AGPAT3: variants seen among roughly 807,000 people sequenced by gnomAD.
AGPAT3 encodes 1-acyl-sn-glycerol-3-phosphate acyltransferase gamma.
A neutral mutation model predicts 47.3 loss-of-function variants in AGPAT3; 5 were observed. The ratio of observed to expected loss-of-function variants is 0.11; its 90% CI spans 0.06 to 0.22. AGPAT3 has a LOEUF of 0.22. Among genes scored for constraint, AGPAT3 ranks in the 10% least tolerant of loss-of-function variants. The probability of loss-of-function intolerance (pLI) is 1.00; values close to 1 mark genes in which losing one functional copy is unlikely to be tolerated. For missense variants in AGPAT3, 315 were observed against 493.0 expected (o/e 0.64, Z 3.42); for synonymous variants, 212 against 208.3 (o/e 1.02, Z -0.15).
At chr21:43,875,651 A>G (rs2085717710) in intron 1 of AGPAT3, among the ~76,000 whole-genome samples, 1 of 152,222 alleles carries the variant, frequency 6.6e-6, no homozygotes, top group Non-Finnish European at 1.5e-5. Flanking sequence ...TCTGTTGCCC[A>G]GGCTGGAGTG....
Position 43,970,757 on chromosome 21 carries a change from G to C in AGPAT3, c.615G>C (p.Leu205=). 6.2e-7 allele frequency: 1 copy of C among 1,609,094 alleles called. No homozygotes were observed. The highest frequency in any genetic ancestry group is 1.1e-5 in the South Asian group (1 of 90,782). The change falls in exon 6 of 10, where the codon CTG becomes CTC. Residue 205 remains leucine, a synonymous_variant. Coordinates refer to ENST00000291572, the MANE Select transcript of AGPAT3 (RefSeq NM_020132.5). This position sits in a 1 kb window ranked among gnomAD's most constrained non-coding sequence, Gnocchi z 5.8. Reference sequence around the variant, plus strand: ...TTCCTGTCCTCAAGTACCACCTGCTGCCGCGGACCAAGGGCTTCACCACCG... The same window carrying C: ...TTCCTGTCCTCAAGTACCACCTGCTCCCGCGGACCAAGGGCTTCACCACCG... ...KGLPVLKYHL[L]PRTKGFTTAV... is the part of the protein sequence containing the mutation.
intron 2 of AGPAT3, among the ~76,000 whole-genome samples, chr21:43,959,222 T>G (rs990381224): frequency 3.1e-5 from 4 of 127,912 alleles, no homozygotes; most frequent in Non-Finnish European, 6.5e-5. Flanking sequence ...GCATGTGGGG[T>G]TTGTGATGTG....
chr21:43,923,668 A>G (rs1244421034), intron 2 of AGPAT3, among the ~76,000 whole-genome samples: 3 of 152,196 alleles, frequency 2.0e-5, no homozygotes, highest in Admixed American at 2.0e-4. Flanking sequence ...TCAGGGAAAT[A>G]CCAGCTGTGT....
Position 43,969,077 on chromosome 21 carries a change from G to A in AGPAT3, c.349-41G>A, listed in dbSNP as rs774607212. The A allele has an allele frequency of 2.0e-5, 32 of 1,607,898 alleles. 1 individual carries two copies. The highest frequency in any genetic ancestry group is 1.8e-4 in the South Asian group (16 of 90,436). ...CTGGCCAAGCCCCTGGCCTCTGTCC[G>A]ACGCTGAAGTGCCAGGTGCCCCTCC... On this transcript the variant is annotated intron_variant, in intron 4 of 9. Coordinates refer to ENST00000291572, the MANE Select transcript of AGPAT3 (RefSeq NM_020132.5).
intron 2 of AGPAT3, among the ~76,000 whole-genome samples, chr21:43,921,585 G>A (rs1429379305): frequency 6.6e-6 from 1 of 152,214 alleles, no homozygotes; most frequent in Non-Finnish European, 1.5e-5. Flanking sequence ...TCTGTGTTGA[G>A]TGTTGAATGT....
At chr21:43,865,672 G>A (rs1478243178) in intron 1 of AGPAT3, among the ~76,000 whole-genome samples, 8 of 150,956 alleles carry the variant, frequency 5.3e-5, no homozygotes, top group Admixed American at 2.0e-4. Flanking sequence ...AGGCCCGGGG[G>A]TTCGGGGCGC....
At chr21:43,878,526 G>A (rs1343776971) in intron 1 of AGPAT3, among the ~76,000 whole-genome samples, 1 of 152,220 alleles carries the variant, frequency 6.6e-6, no homozygotes, top group African/African-American at 2.4e-5. Context: ...AATATGATGG[G>A]CATCCTTGTA....
At chr21:43,976,620 CAT>C (rs1415062293) in intron 7 of AGPAT3, among the ~76,000 whole-genome samples, 2 of 152,228 alleles carry the variant, frequency 1.3e-5, no homozygotes, top group African/African-American at 2.4e-5. Context: ...TCTTCAGACA[CAT>C]GAGCCAAATT....
At chr21:43,895,901 G>A (rs1455754814) in intron 1 of AGPAT3, among the ~76,000 whole-genome samples, 1 of 152,194 alleles carries the variant, frequency 6.6e-6, no homozygotes, top group Non-Finnish European at 1.5e-5. Context: ...CAAGTAGCTG[G>A]GATTACAGGC....
rs985879581 is a variant in AGPAT3 at position 43,932,306 on chromosome 21, A to G, written c.-48-27328A>G. ...CCCTGGTAACCACCGTGCTCCTCCC[A>G]GTTCTGGTGAGACCTCCGTTTCCGA... On this transcript the variant is annotated intron_variant, in intron 2 of 9. Transcript: ENST00000291572. The surrounding 1 kb of genome is among the most constrained non-coding windows in gnomAD (Gnocchi z 5.2). 2.0e-5 allele frequency among the ~76,000 whole-genome samples: 3 copies of G among 151,908 alleles called. No homozygotes were observed. The East Asian group carries it at 5.8e-4, about 29-fold the overall frequency.
intron 1 of AGPAT3, among the ~76,000 whole-genome samples, chr21:43,889,214 T>C (rs192109084): frequency 6.6e-6 from 1 of 152,058 alleles, no homozygotes; most frequent in African/African-American, 2.4e-5. Flanking sequence ...GATGAAGGCA[T>C]GTTGGCGACA....
intron 1 of AGPAT3, among the ~76,000 whole-genome samples, chr21:43,881,321 T>A (rs1444028995): frequency 6.6e-6 from 1 of 152,204 alleles, no homozygotes. Flanking sequence ...AATTAACCAC[T>A]ATAAATACTT....
At chr21:43,977,660 G>A (rs1166640057) in intron 7 of AGPAT3, among the ~76,000 whole-genome samples, 5 of 152,064 alleles carry the variant, frequency 3.3e-5, no homozygotes, top group Non-Finnish European at 5.9e-5. Flanking sequence ...GGTGGATCAC[G>A]AGGTCAAGAG....
intron 7 of AGPAT3, among the ~76,000 whole-genome samples, chr21:43,974,669 GTGGTGTGTGTATATGAATCAGGGT>G (rs1419819344): frequency 6.6e-6 from 1 of 151,924 alleles, no homozygotes; most frequent in East Asian, 1.9e-4. Flanking sequence ...AAATGTGTGT[GTGGTGTGTGTATATGAATCAGGGT>G]TGGTGTGTGT....
intron 1 of AGPAT3, among the ~76,000 whole-genome samples, chr21:43,873,434 G>C (rs989291790): frequency 1.3e-5 from 2 of 152,178 alleles, no homozygotes; most frequent in African/African-American, 4.8e-5. Context: ...CTAGTACCTG[G>C]AAGGAGAACA....
At chr21:43,963,818 G>T (rs2088996501) in intron 3 of AGPAT3, among the ~76,000 whole-genome samples, 1 of 152,058 alleles carries the variant, frequency 6.6e-6, no homozygotes, top group South Asian at 2.1e-4. Flanking sequence ...ATTTCTTACG[G>T]CAGGCAGCAG....
intron 2 of AGPAT3, among the ~76,000 whole-genome samples, chr21:43,917,214 C>T (rs891997445): frequency 3.3e-5 from 5 of 149,822 alleles, no homozygotes; most frequent in African/African-American, 7.4e-5. Context: ...CCTTCTTGCT[C>T]GTCACCTCCA....
At chr21:43,926,671 A>T in intron 2 of AGPAT3, among the ~76,000 whole-genome samples, 1 of 120,094 alleles carries the variant, frequency 8.3e-6, no homozygotes, top group Non-Finnish European at 1.7e-5. Flanking sequence ...TTTTTAATAA[A>T]AAGGAGGGCT....
chr21:43,979,298 C>CAAAAAAAAA (rs540542305), intron 8 of AGPAT3, among the ~76,000 whole-genome samples: 1 of 57,732 alleles, frequency 1.7e-5, no homozygotes. Flanking sequence ...GACTCCAACT[C>CAAAAAAAAA]AAAAAAAAAA....
Sources: gnomAD v4.1 joint callset for allele counts (sites outside exome capture counted in the v4.1 genomes callset) on GRCh38, gnomAD v4.1.1 for gene constraint, Gnocchi (gnomAD v3.1) non-coding constraint, MANE v1.5 for transcripts, NCBI Gene and HGNC (gene_info 2026-07-23, HGNC 2026-07-21) for gene names.